The following CDH12 variants were observed in gnomAD, a reference collection of about 807,000 sequenced individuals.
CDH12 encodes cadherin-12.
A neutral mutation model predicts 74.1 loss-of-function variants in CDH12; 41 were observed. The ratio of observed to expected loss-of-function variants is 0.55; its 90% CI spans 0.43 to 0.72. The LOEUF (loss-of-function observed/expected upper bound fraction) is 0.72, where lower values mean the gene tolerates loss of function less well. Ranked by LOEUF, CDH12 falls within the 30% of genes least tolerant of loss-of-function variation. The pLI is 0.00. For missense variants in CDH12, 945 were observed against 977.2 expected (o/e 0.97, Z 0.44); for synonymous variants, 399 against 355.0 (o/e 1.12, Z -1.39).
At chr5:22,604,481 C>T (rs1565080) in intron 1 of CDH12, among the ~76,000 whole-genome samples, 6,379 of 152,220 alleles carry the variant, frequency 0.042, 418 homozygotes, top group African/African-American at 0.14. Context: ...AATCAGCTCA[C>T]TTTAATAGTC....
intron 1 of CDH12, among the ~76,000 whole-genome samples, chr5:22,630,516 C>T (rs549076408): frequency 1.0e-3 from 158 of 152,160 alleles, no homozygotes; most frequent in African/African-American, 3.6e-3. Flanking sequence ...TGATCTTCAA[C>T]GGTTGGCCAA....
intron 4 of CDH12, among the ~76,000 whole-genome samples, chr5:22,102,376 C>T (rs1580253818): frequency 1.3e-5 from 2 of 152,052 alleles, no homozygotes; most frequent in Admixed American, 1.3e-4. Context: ...TTGTTGAAAA[C>T]GTAATCCCCT....
intron 6 of CDH12, among the ~76,000 whole-genome samples, chr5:21,973,938 C>G (rs1756959115): frequency 6.6e-6 from 1 of 151,960 alleles, no homozygotes; most frequent in Non-Finnish European, 1.5e-5. Context: ...AGATTTGCAG[C>G]CTTGGGTATC....
intron 3 of CDH12, among the ~76,000 whole-genome samples, chr5:22,245,237 C>T (rs755486162): frequency 4.6e-5 from 7 of 152,080 alleles, no homozygotes; most frequent in Non-Finnish European, 1.0e-4. Context: ...AAATTATGAA[C>T]ATTTAGGATC....
intron 3 of CDH12, among the ~76,000 whole-genome samples, chr5:22,303,547 C>A (rs1737982980): frequency 6.6e-6 from 1 of 152,032 alleles, no homozygotes; most frequent in Non-Finnish European, 1.5e-5. Flanking sequence ...CATAAAGATT[C>A]ATTTTTAATT....
chr5:21,818,863 C>T (rs1037519134), intron 8 of CDH12, among the ~76,000 whole-genome samples: 4 of 151,826 alleles, frequency 2.6e-5, no homozygotes, highest in African/African-American at 4.8e-5. Context: ...AGTCACAATG[C>T]TAAAATGTTA....
At chr5:22,221,813 C>A (rs1315303198) in intron 3 of CDH12, among the ~76,000 whole-genome samples, 1 of 151,810 alleles carries the variant, frequency 6.6e-6, no homozygotes, top group African/African-American at 2.4e-5. Context: ...CTTCAATAGT[C>A]CCCAGTTGCT....
At chr5:22,071,694 A>G (rs1741951361) in intron 5 of CDH12, among the ~76,000 whole-genome samples, 1 of 151,940 alleles carries the variant, frequency 6.6e-6, no homozygotes, top group African/African-American at 2.4e-5. Context: ...TATTCCAATT[A>G]CTCTCTTTGA....
chr5:22,285,105 A>G (rs1737077414), intron 3 of CDH12, among the ~76,000 whole-genome samples: 2 of 152,168 alleles, frequency 1.3e-5, no homozygotes, highest in African/African-American at 4.8e-5. Flanking sequence ...AACAATCAAA[A>G]AATTAATTAG....
chr5:21,828,084 TA>T (rs1374091284), intron 8 of CDH12, among the ~76,000 whole-genome samples: 3 of 151,978 alleles, frequency 2.0e-5, no homozygotes, highest in Non-Finnish European at 4.4e-5. Context: ...AAATTATAAA[TA>T]AATTTAACAC....
chr5:22,495,577 T>C (rs1747073568), intron 2 of CDH12, among the ~76,000 whole-genome samples: 1 of 152,144 alleles, frequency 6.6e-6, no homozygotes, highest in South Asian at 2.1e-4. Context: ...TTGGAAGATA[T>C]ATATACACAC....
intron 3 of CDH12, among the ~76,000 whole-genome samples, chr5:22,285,618 G>A (rs758411285): frequency 2.6e-5 from 4 of 152,048 alleles, no homozygotes; most frequent in African/African-American, 7.2e-5. Flanking sequence ...GAAAGAATTC[G>A]TGTTATATGG....
intron 3 of CDH12, among the ~76,000 whole-genome samples, chr5:22,255,207 G>A (rs557659598): frequency 6.6e-6 from 1 of 151,720 alleles, no homozygotes; most frequent in South Asian, 2.1e-4. Flanking sequence ...AAGGGAAAGT[G>A]GGAAGTGACC....
chr5:22,837,217 GA>G (rs1410443189), intron 1 of CDH12, among the ~76,000 whole-genome samples: 1 of 152,054 alleles, frequency 6.6e-6, no homozygotes, highest in East Asian at 1.9e-4. Context: ...TCAGGAGTTC[GA>G]GACCAGACTG....
chr5:22,639,901 A>G (rs1476374463), intron 1 of CDH12, among the ~76,000 whole-genome samples: 1 of 152,204 alleles, frequency 6.6e-6, no homozygotes, highest in East Asian at 1.9e-4. Flanking sequence ...CCTATTAATC[A>G]GGAAGATTTA....
At chr5:22,338,997 T>C (rs1405579727) in intron 3 of CDH12, among the ~76,000 whole-genome samples, 1 of 152,094 alleles carries the variant, frequency 6.6e-6, no homozygotes, top group Admixed American at 6.5e-5. Flanking sequence ...AACAACCTCA[T>C]GAATTTGGAA....
At chr5:21,810,685 T>C (rs1315189636) in intron 9 of CDH12, among the ~76,000 whole-genome samples, 2 of 152,030 alleles carry the variant, frequency 1.3e-5, no homozygotes, top group Admixed American at 6.6e-5. Context: ...AGGTAAGGTA[T>C]TACAAAAGAA....
intron 4 of CDH12, among the ~76,000 whole-genome samples, chr5:22,207,028 A>G (rs1751260145): frequency 6.6e-6 from 1 of 151,386 alleles, no homozygotes; most frequent in African/African-American, 2.4e-5. Context: ...CCTGGCTAAC[A>G]TGGTGAAACC....
chr5:21,983,754 G>A (rs1038437832), intron 5 of CDH12, among the ~76,000 whole-genome samples: 5 of 151,794 alleles, frequency 3.3e-5, no homozygotes, highest in African/African-American at 1.2e-4. Context: ...ATTATTTATT[G>A]TCATATCTTT....
Sources: allele counts gnomAD v4.1 joint callset (sites outside exome capture counted in the v4.1 genomes callset), GRCh38; gene constraint gnomAD v4.1.1; transcripts MANE v1.5; gene names NCBI Gene and HGNC (gene_info 2026-07-23, HGNC 2026-07-21).